The following EDIL3 variants were observed in gnomAD, a reference collection of about 807,000 sequenced individuals.
EDIL3 encodes EGF like and discoidin domains 3.
EDIL3 carries 37 observed loss-of-function variants against 67.4 expected under a neutral mutation model. That is an observed-to-expected ratio of 0.55 (90% CI 0.42 to 0.72). The LOEUF is 0.72. Among genes scored for constraint, EDIL3 ranks in the 30% least tolerant of loss-of-function variants. The pLI, the probability that EDIL3 is intolerant of heterozygous loss-of-function variation, is 0.00. For missense variants in EDIL3, 527 were observed against 586.3 expected (o/e 0.90, Z 1.04); for synonymous variants, 195 against 196.3 (o/e 0.99, Z 0.05).
At chr5:84,286,569 T>C (rs999035305) in intron 1 of EDIL3, among the ~76,000 whole-genome samples, 2 of 152,188 alleles carry the variant, frequency 1.3e-5, no homozygotes, top group African/African-American at 4.8e-5. Context: ...TTTTATTTTG[T>C]TAAACTTTCG....
At chr5:84,054,510 A>G (rs1746404988) in intron 9 of EDIL3, among the ~76,000 whole-genome samples, 1 of 152,204 alleles carries the variant, frequency 6.6e-6, no homozygotes, top group Non-Finnish European at 1.5e-5. Flanking sequence ...GAGAAGAGGA[A>G]GTCAAATTGT....
intron 3 of EDIL3, among the ~76,000 whole-genome samples, chr5:84,184,618 A>T (rs546333175): frequency 6.6e-6 from 1 of 152,286 alleles, no homozygotes; most frequent in East Asian, 1.9e-4. Context: ...GATGTGGCTT[A>T]TCCTGGCAGA....
intron 3 of EDIL3, among the ~76,000 whole-genome samples, chr5:84,190,551 A>G (rs347376): frequency 0.7 from 89,276 of 127,090 alleles, 31,547 homozygotes; most frequent in African/African-American, 0.75. Flanking sequence ...ATATATATAT[A>G]TGTGTGTGTG....
chr5:83,946,198 A>T (rs73769698), intron 10 of EDIL3, among the ~76,000 whole-genome samples: 137 of 152,130 alleles, frequency 9.0e-4, no homozygotes, highest in African/African-American at 3.2e-3. Flanking sequence ...GAGAACATTA[A>T]ATCTCTATAT....
chr5:83,983,202 A>G (rs967586486), intron 9 of EDIL3, among the ~76,000 whole-genome samples: 2 of 152,046 alleles, frequency 1.3e-5, no homozygotes, highest in Non-Finnish European at 2.9e-5. Context: ...TACGTATCGC[A>G]TTGGGTTTGC....
intron 3 of EDIL3, 140 bp from the exon 4 acceptor site, chr5:84,180,661 T>C (rs1231000832): frequency 2.1e-6 from 2 of 974,468 alleles, no homozygotes; most frequent in Non-Finnish European, 2.8e-6. Context: ...TTGTATGAGC[T>C]CTGGAGACTA....
At position 84,093,437 on chromosome 5, in the gene EDIL3, TA is replaced by T. The variant is rs559395320; in HGVS notation, c.651+13211del. Reference sequence around the variant, plus strand: ...TTGTAGTCACTTCTACCTTTGAAGATAAAAGGCAGGGCTTTCAGGGATTACT... The same window carrying T: ...TTGTAGTCACTTCTACCTTTGAAGATAAAGGCAGGGCTTTCAGGGATTACT... On this transcript the variant is annotated intron_variant, in intron 6 of 10. Coordinates refer to ENST00000296591, the MANE Select transcript of EDIL3 (RefSeq NM_005711.5). 1.2e-4 allele frequency among the ~76,000 whole-genome samples: 18 copies of T among 152,220 alleles called. No individual in the cohort carries two copies. The East Asian group carries it at 3.5e-3, about 29-fold the overall frequency.
intron 1 of EDIL3, among the ~76,000 whole-genome samples, chr5:84,320,960 T>G (rs1204901599): frequency 6.6e-6 from 1 of 152,216 alleles, no homozygotes; most frequent in Non-Finnish European, 1.5e-5. Context: ...CTGAGAATTT[T>G]GTTTATAAAT....
At chr5:84,185,778 T>G (rs1220135649) in intron 3 of EDIL3, among the ~76,000 whole-genome samples, 1 of 152,156 alleles carries the variant, frequency 6.6e-6, no homozygotes, top group African/African-American at 2.4e-5. Flanking sequence ...TACACTGAAT[T>G]GTAAATAACA....
intron 3 of EDIL3, among the ~76,000 whole-genome samples, chr5:84,205,823 C>T (rs1300241555): frequency 9.2e-5 from 14 of 151,616 alleles, no homozygotes; most frequent in African/African-American, 3.4e-4. Flanking sequence ...ATTAGTCTTG[C>T]TAGCGGTCTA....
At chr5:84,092,006 T>C (rs1361230292) in intron 6 of EDIL3, among the ~76,000 whole-genome samples, 1 of 152,056 alleles carries the variant, frequency 6.6e-6, no homozygotes, top group Non-Finnish European at 1.5e-5. Context: ...CTCTCAAAAA[T>C]GATAGGAACT....
chr5:84,312,601 G>A (rs1330107989), intron 1 of EDIL3, among the ~76,000 whole-genome samples: 2 of 145,328 alleles, frequency 1.4e-5, no homozygotes, highest in Non-Finnish European at 3.1e-5. Context: ...GGCTGGCCGG[G>A]CGGGGGGCTG....
intron 1 of EDIL3, among the ~76,000 whole-genome samples, chr5:84,314,619 C>T (rs943610445): frequency 6.6e-6 from 1 of 152,118 alleles, no homozygotes; most frequent in Non-Finnish European, 1.5e-5. Context: ...ATCTTCCTTC[C>T]AAAACACGTT....
At chr5:84,096,072 G>C (rs1747257299) in intron 6 of EDIL3, among the ~76,000 whole-genome samples, 1 of 152,220 alleles carries the variant, frequency 6.6e-6, no homozygotes, top group South Asian at 2.1e-4. Flanking sequence ...GAAATGCCTG[G>C]ATGCCCAGGC....
intron 3 of EDIL3, among the ~76,000 whole-genome samples, chr5:84,218,347 A>G (rs990846792): frequency 6.6e-6 from 1 of 152,218 alleles, no homozygotes; most frequent in Non-Finnish European, 1.5e-5. Flanking sequence ...GTGAGAGAGA[A>G]GGATTATAGT....
At chr5:84,025,613 G>T (rs1745797234) in intron 9 of EDIL3, among the ~76,000 whole-genome samples, 1 of 152,032 alleles carries the variant, frequency 6.6e-6, no homozygotes, top group African/African-American at 2.4e-5. Context: ...CCACTAAATT[G>T]GTCCCTGGTA....
At chr5:84,313,645 G>A (rs1746450023) in intron 1 of EDIL3, among the ~76,000 whole-genome samples, 1 of 152,130 alleles carries the variant, frequency 6.6e-6, no homozygotes, top group Non-Finnish European at 1.5e-5. Context: ...TAGACTACCT[G>A]GTAGATTTCA....
intron 6 of EDIL3, among the ~76,000 whole-genome samples, chr5:84,102,307 T>A (rs539274786): frequency 1.6e-4 from 25 of 151,980 alleles, no homozygotes; most frequent in Non-Finnish European, 3.1e-4. Flanking sequence ...GTATTGGAAG[T>A]CCTGGCCAGG....
Position 83,979,554 on chromosome 5 carries a change from T to G in EDIL3, c.1138-16194A>C, listed in dbSNP as rs143143418. Among the ~76,000 whole-genome samples, 216 of 152,210 alleles carry G rather than the reference T, an allele frequency of 1.4e-3. 1 individual carries two copies. The highest frequency in any genetic ancestry group is 4.8e-3 in the African/African-American group (201 of 41,550). On this transcript the variant is annotated intron_variant, in intron 9 of 10. Transcript: ENST00000296591. The stretch of plus-strand genomic sequence containing the variant: ...AAATGGGATTAAAATGGGAATACAA[T>G]AGAATTATATGTATCAACTTGGAAA...
Sources: gnomAD v4.1 joint callset for allele counts (sites outside exome capture counted in the v4.1 genomes callset) on GRCh38, gnomAD v4.1.1 for gene constraint, MANE v1.5 for transcripts, NCBI Gene and HGNC (gene_info 2026-07-23, HGNC 2026-07-21) for gene names.